The following FILIP1L variants were observed in gnomAD, a reference collection of about 807,000 sequenced individuals.
FILIP1L encodes the protein filamin A-interacting protein 1-like.
In FILIP1L, 55 loss-of-function variants were observed where a neutral mutation model predicts 96.6. The observed-to-expected ratio is 0.57, with a 90% CI of 0.46 to 0.71. FILIP1L has a LOEUF of 0.71. FILIP1L is among the 30% of genes least tolerant of loss of function. The pLI is 0.00. For synonymous variants in FILIP1L, 467 were observed against 473.9 expected, an observed-to-expected ratio of 0.99 and a Z score of 0.19; for missense variants, 1,304 against 1,321.2, an observed-to-expected ratio of 0.99 and a Z score of 0.20.
At chr3:100,038,321 T>A (rs1690858524) in intron 1 of FILIP1L, among the ~76,000 whole-genome samples, 1 of 152,102 alleles carries the variant, frequency 6.6e-6, no homozygotes, top group African/African-American at 2.4e-5. Context: ...AAGTAATGAG[T>A]CTATTATTTT....
At chr3:99,832,688 C>T (rs1204475225) in intron 5 of FILIP1L, among the ~76,000 whole-genome samples, 2 of 145,936 alleles carry the variant, frequency 1.4e-5, no homozygotes, top group Non-Finnish European at 3.0e-5. Context: ...ACTGAAAATA[C>T]AAAACAGCCG....
chr3:99,863,920 A>T (rs565227809), intron 4 of FILIP1L, among the ~76,000 whole-genome samples: 15 of 152,326 alleles, frequency 9.8e-5, no homozygotes, highest in African/African-American at 3.6e-4. Flanking sequence ...TGTTTTTTGC[A>T]GCCAAACATT....
At chr3:99,904,174 A>G (rs1252133293) in intron 4 of FILIP1L, among the ~76,000 whole-genome samples, 1 of 152,226 alleles carries the variant, frequency 6.6e-6, no homozygotes, top group Non-Finnish European at 1.5e-5. Flanking sequence ...ATTGCTCTTA[A>G]TGATAAGTGT....
intron 4 of FILIP1L, among the ~76,000 whole-genome samples, chr3:99,867,838 A>G (rs1944596665): frequency 1.3e-5 from 2 of 152,206 alleles, no homozygotes; most frequent in Admixed American, 1.3e-4. Flanking sequence ...TTGGAATTCC[A>G]TGGGATTCAG....
rs1375412000 is a variant in FILIP1L at position 99,848,481 on chromosome 3, G to A, written c.3195C>T (p.His1065=). ...CAGCTTGCATGTAAGGACTTCCTAA[G>A]TGAATGTGGATTTTATTATCCTCAG... ...ITTEDNKIHI[H]LGSPYMQAVA... is the part of the protein sequence containing the mutation. Residue 1065 remains histidine, a synonymous_variant, in exon 5 of 6, where the codon CAC becomes CAT. Coordinates refer to ENST00000477258, the MANE Select transcript of FILIP1L (RefSeq NM_001387850.1). The A allele has an allele frequency of 6.2e-7, 1 of 1,614,178 alleles. No homozygotes were observed. The highest frequency in any genetic ancestry group is 8.5e-7 in the Non-Finnish European group (1 of 1,180,010).
intron 4 of FILIP1L, among the ~76,000 whole-genome samples, chr3:99,905,959 G>A (rs191442811): frequency 6.6e-6 from 1 of 152,298 alleles, no homozygotes; most frequent in East Asian, 1.9e-4. Context: ...TTGGGAGGCT[G>A]AGGCAGGCAG....
intron 4 of FILIP1L, among the ~76,000 whole-genome samples, chr3:99,899,316 T>TA (rs1706361535): frequency 6.6e-6 from 1 of 152,240 alleles, no homozygotes; most frequent in Non-Finnish European, 1.5e-5. Context: ...TATTACACTT[T>TA]ATGGGTGTTT....
intron 4 of FILIP1L, among the ~76,000 whole-genome samples, chr3:99,908,015 T>C (rs530592196): frequency 9.8e-5 from 15 of 152,348 alleles, no homozygotes; most frequent in African/African-American, 3.6e-4. Flanking sequence ...TATTGAATAT[T>C]TGTAAATATT....
chr3:100,060,179 GA>G (rs2065537387), intron 1 of FILIP1L, among the ~76,000 whole-genome samples: 1 of 152,112 alleles, frequency 6.6e-6, no homozygotes, highest in Non-Finnish European at 1.5e-5. Flanking sequence ...AAGAGGTTGA[GA>G]TTTACTTTCT....
chr3:99,912,695 A>G (rs1275798484), intron 4 of FILIP1L, among the ~76,000 whole-genome samples: 2 of 152,152 alleles, frequency 1.3e-5, no homozygotes, highest in African/African-American at 2.4e-5. Flanking sequence ...CTTCTTTTCA[A>G]TTGACAAGTA....
intron 1 of FILIP1L, among the ~76,000 whole-genome samples, chr3:100,034,758 A>G (rs1055526814): frequency 6.6e-6 from 1 of 152,216 alleles, no homozygotes; most frequent in Non-Finnish European, 1.5e-5. Flanking sequence ...AGTTTTCCTA[A>G]TGGGAAGGAG....
At chr3:99,933,324 C>T (rs763417904) in intron 1 of FILIP1L, among the ~76,000 whole-genome samples, 36 of 152,228 alleles carry the variant, frequency 2.4e-4, no homozygotes, top group Non-Finnish European at 2.9e-4. Flanking sequence ...GTCACTGGCT[C>T]TTCCCTAGGT....
intron 4 of FILIP1L, among the ~76,000 whole-genome samples, chr3:99,883,626 T>C (rs7613864): frequency 0.42 from 64,416 of 151,974 alleles, 13,854 homozygotes; most frequent in African/African-American, 0.48. Flanking sequence ...AATGAACAAC[T>C]GCACACCCAA....
chr3:99,876,311 C>A, intron 4 of FILIP1L: 1 of 578,390 alleles, frequency 1.7e-6, no homozygotes, highest in Non-Finnish European at 2.2e-6. Flanking sequence ...CGCAGCCACA[C>A]ACCCCAGCTC....
At chr3:100,087,362 G>T (rs923939602) in intron 1 of FILIP1L, among the ~76,000 whole-genome samples, 3 of 152,182 alleles carry the variant, frequency 2.0e-5, no homozygotes, top group Admixed American at 1.3e-4. Context: ...CCAGCAATTG[G>T]TATTGTCAGT....
At chr3:100,047,261 C>T (rs1023445494) in intron 1 of FILIP1L, among the ~76,000 whole-genome samples, 2 of 152,112 alleles carry the variant, frequency 1.3e-5, no homozygotes, top group Non-Finnish European at 2.9e-5. Flanking sequence ...AACAATATAT[C>T]TTTAAACATT....
intron 1 of FILIP1L, among the ~76,000 whole-genome samples, chr3:100,002,668 T>C (rs1054380716): frequency 1.3e-5 from 2 of 152,204 alleles, no homozygotes; most frequent in African/African-American, 4.8e-5. Context: ...TGAAATTACA[T>C]AGCTAAAAAA....
intron 1 of FILIP1L, among the ~76,000 whole-genome samples, chr3:99,942,090 G>GCCTGTAGTC (rs1185769684): frequency 6.6e-6 from 1 of 151,956 alleles, no homozygotes; most frequent in East Asian, 1.9e-4. Flanking sequence ...GGTGGTGGGC[G>GCCTGTAGTC]CCTGTAGTCC....
At chr3:99,950,795 AG>A (rs1281216759) in intron 1 of FILIP1L, among the ~76,000 whole-genome samples, 1 of 152,200 alleles carries the variant, frequency 6.6e-6, no homozygotes, top group Non-Finnish European at 1.5e-5. Context: ...CTGGAGACTT[AG>A]GTAAATATTC....
Sources: gnomAD v4.1 joint callset for allele counts (sites outside exome capture counted in the v4.1 genomes callset) on GRCh38, gnomAD v4.1.1 for gene constraint, MANE v1.5 for transcripts, NCBI Gene and HGNC (gene_info 2026-07-23, HGNC 2026-07-21) for gene names.